The following HOXC4 variants were observed in gnomAD, a reference collection of about 807,000 sequenced individuals.
HOXC4 encodes homeobox C4.
A neutral mutation model predicts 25.5 loss-of-function variants in HOXC4; 15 were observed. That is an observed-to-expected ratio of 0.59 (90% CI 0.39 to 0.91). The LOEUF is 0.91. Ranked by LOEUF, HOXC4 falls within the 40% of genes least tolerant of loss-of-function variation. HOXC4 has a pLI of 0.00. For missense variants in HOXC4, 342 were observed against 352.4 expected (o/e 0.97, Z 0.24); for synonymous variants, 165 against 148.0 (o/e 1.11, Z -0.83).
At chr12:54,050,103 G>A (rs917712561), upstream of HOXC4, among the ~76,000 whole-genome samples, 2 of 152,230 alleles carry the variant, frequency 1.3e-5, no homozygotes, top group African/African-American at 2.4e-5. Context: ...AATCAGAGAG[G>A]GGTACGATTT....
rs528669234 is a variant in HOXC4 at position 54,041,936 on chromosome 12, T to A, written c.-123-11224T>A. On this transcript the variant is annotated intron_variant, in intron 1 of 3. Coordinates refer to the HOXC4 transcript ENST00000303406. Reference sequence around the variant, plus strand: ...CCTCATCCTCCCAAAGTGCTGAGATTACAGGTGTGAACCACCGCGCCCAGC... The same window carrying A: ...CCTCATCCTCCCAAAGTGCTGAGATAACAGGTGTGAACCACCGCGCCCAGC... Among the ~76,000 whole-genome samples, 189 of 151,810 alleles carry A rather than the reference T, an allele frequency of 1.2e-3. 1 individual carries two copies. Among genetic ancestry groups the A allele is most frequent in the Non-Finnish European group, 2.1e-3 (146 of 67,966 alleles).
rs534786361 is a variant in HOXC4 at position 54,024,056 on chromosome 12, C to A, written c.-124+6642C>A. On this transcript the variant is annotated intron_variant, in intron 1 of 3. Transcript: ENST00000303406. The stretch of plus-strand genomic sequence containing the variant: ...TAAAAAAGTCTAATCATAGACCAAT[C>A]GGGCCAACTGAGCAGTCGCTCCAGA... Among the ~76,000 whole-genome samples, 4 of 152,322 alleles carry A rather than the reference C, an allele frequency of 2.6e-5. No individual in the cohort carries two copies. The East Asian group carries it at 7.7e-4, about 29-fold the overall frequency.
At chr12:54,042,373 A>G (rs1941290083) in intron 1 of HOXC4, among the ~76,000 whole-genome samples, 1 of 152,202 alleles carries the variant, frequency 6.6e-6, no homozygotes, top group African/African-American at 2.4e-5. Context: ...CTCACCCTCA[A>G]TGTGGACTTC....
At chr12:54,028,939 G>A (rs982131346) in intron 1 of HOXC4, 2 of 1,588,246 alleles carry the variant, frequency 1.3e-6, no homozygotes, top group Admixed American at 1.8e-5. Context: ...TTACAGCTCC[G>A]AGATATAAAT....
intron 1 of HOXC4, among the ~76,000 whole-genome samples, chr12:54,038,669 T>A (rs183434801): frequency 1.1e-3 from 171 of 152,312 alleles, no homozygotes; most frequent in African/African-American, 3.9e-3. Flanking sequence ...TGTGGTTTCA[T>A]GCTTCCTCCT....
chr12:54,032,837 A>C (rs1377108236), intron 1 of HOXC4: 70 of 110,750 alleles, frequency 6.3e-4, no homozygotes, highest in Admixed American at 1.2e-3. Flanking sequence ...TCTCTCTCTC[A>C]CTCCCTCTCC....
upstream of HOXC4, among the ~76,000 whole-genome samples, chr12:54,053,668 C>A (rs1937898569): frequency 6.6e-6 from 1 of 152,184 alleles, no homozygotes; most frequent in Non-Finnish European, 1.5e-5. Flanking sequence ...TGGGGGCACT[C>A]CAACCTCTGC....
At chr12:54,047,466 C>T (rs1439734201) in intron 1 of HOXC4, among the ~76,000 whole-genome samples, 1 of 152,198 alleles carries the variant, frequency 6.6e-6, no homozygotes, top group African/African-American at 2.4e-5. Flanking sequence ...CGCCGGCCGC[C>T]GAGGGGCCGC....
chr12:54,032,845 T>A lies in HOXC4; in HGVS notation c.-124+15431T>A, dbSNP rs1305901439. On this transcript the variant is annotated intron_variant, in intron 1 of 3. Transcript: ENST00000303406. ...CCCTCTTTCTCTCTCTCACTCCCTCTCCCCCTTGGTTGGGCTTTGCCAACA... is the reference window on the plus strand; with the variant it reads ...CCCTCTTTCTCTCTCTCACTCCCTCACCCCCTTGGTTGGGCTTTGCCAACA... 20 of 167,312 alleles carry A rather than the reference T, an allele frequency of 1.2e-4. No homozygotes were observed. The East Asian group carries it at 2.6e-3, about 22-fold the overall frequency. 10.4% of individuals were successfully genotyped at this position (167,312 alleles called of 1,614,324 possible). A position where few individuals can be genotyped will look rare whatever the true frequency, so the allele number is the denominator to read the frequency against.
chr12:54,033,436 G>T lies in HOXC4; in HGVS notation c.-124+16022G>T, dbSNP rs1565745423. 6.2e-6 allele frequency: 10 copies of T among 1,601,894 alleles called. No homozygotes were observed. The East Asian group carries it at 2.0e-4, about 32-fold the overall frequency. ...GGGATGTACAGTCAGAAGGCGGCTC[G>T]CCCGGCGCTGGAGGAGCGAGCTAAG... On this transcript the variant is annotated intron_variant, in intron 1 of 3. Transcript: ENST00000303406.
At position 54,046,094 on chromosome 12, in the gene HOXC4, C is replaced by T. The variant is rs760541048; in HGVS notation, c.-123-7066C>T. Reference sequence around the variant, plus strand: ...GTGGGGGAAAAAGGGATCAAGTCCCCAACTGTTTTTATAGGGTGCCCAAAT... The same window carrying T: ...GTGGGGGAAAAAGGGATCAAGTCCCTAACTGTTTTTATAGGGTGCCCAAAT... On this transcript the variant is annotated intron_variant, in intron 1 of 3. Coordinates refer to the HOXC4 transcript ENST00000303406. Among the ~76,000 whole-genome samples, 6 of 152,180 alleles carry T rather than the reference C, an allele frequency of 3.9e-5. No homozygotes were observed. In the South Asian group the frequency reaches 6.2e-4, roughly 16 times the overall value.
chr12:54,047,229 C>G (rs1015249081), intron 1 of HOXC4, among the ~76,000 whole-genome samples: 2 of 152,234 alleles, frequency 1.3e-5, no homozygotes, highest in South Asian at 4.1e-4. Context: ...GCGGAGAGCC[C>G]AGCTTTGAGG....
At chr12:54,031,753 T>G (rs1007345349) in intron 1 of HOXC4, among the ~76,000 whole-genome samples, 5 of 152,150 alleles carry the variant, frequency 3.3e-5, no homozygotes, top group Non-Finnish European at 7.4e-5. Context: ...GGCGGAGATT[T>G]CCTGGGAAGA....
At chr12:54,027,312 G>A (rs1940763924) in intron 1 of HOXC4, among the ~76,000 whole-genome samples, 1 of 152,212 alleles carries the variant, frequency 6.6e-6, no homozygotes, top group Non-Finnish European at 1.5e-5. Flanking sequence ...AAGCCTCATA[G>A]CTCAGGTCCA....
chr12:54,037,207 C>T (rs956240850), intron 1 of HOXC4, among the ~76,000 whole-genome samples: 10 of 152,228 alleles, frequency 6.6e-5, no homozygotes, highest in African/African-American at 1.7e-4. Context: ...TACTTCCCTA[C>T]GCTGAGGGTG....
Position 54,054,056 on chromosome 12 carries a change from T to C in HOXC4, c.134T>C (p.Phe45Ser). The change falls in exon 1 of 2, where the codon TTC (phenylalanine) becomes TCC (serine). Residue 45 changes from phenylalanine (F) to serine (S), a missense_variant. Phe to Ser is a radical substitution (Grantham distance 155). Coordinates refer to ENST00000430889, the MANE Select transcript of HOXC4 (RefSeq NM_153633.3). ...TACGGCCGGACCAGGGAATCGGGAT[T>C]CCAGCATCACCACCAGGAGCTGTAC... ...EYYGRTRESG[F>S]QHHHQELYPP... 6.2e-7 allele frequency: 1 copy of C among 1,614,108 alleles called. No individual in the cohort carries two copies. The highest frequency in any genetic ancestry group is 8.5e-7 in the Non-Finnish European group (1 of 1,179,994).
rs759935704 is a variant in HOXC4, at chr12:54,055,158, G to A, written c.748G>A (p.Ala250Thr). ...PGTSEDHSQS[A>T]TPPEQQRAED... ...TACTTCTGAAGACCACTCCCAGAGCGCCACGCCGCCGGAGCAGCAACGGGC... is the reference window on the plus strand; with the variant it reads ...TACTTCTGAAGACCACTCCCAGAGCACCACGCCGCCGGAGCAGCAACGGGC... The change falls in exon 2 of 2, where the codon GCC becomes ACC. Residue 250 changes from alanine to threonine, a missense_variant. Physicochemically the swap from Ala to Thr is moderately conservative, Grantham distance 58. Coordinates refer to ENST00000430889, the MANE Select transcript of HOXC4 (RefSeq NM_153633.3). The A allele has an allele frequency of 3.7e-6, 6 of 1,611,678 alleles. No individual in the cohort carries two copies. Among genetic ancestry groups the A allele is most frequent in the African/African-American group, 2.7e-5 (2 of 74,712 alleles).
chr12:54,032,098 G>A (rs1941007186), intron 1 of HOXC4, among the ~76,000 whole-genome samples: 1 of 152,182 alleles, frequency 6.6e-6, no homozygotes, highest in African/African-American at 2.4e-5. Context: ...TACCACATAA[G>A]GATCGCACAC....
At chr12:54,029,990 C>G in intron 1 of HOXC4, 2 of 1,488,334 alleles carry the variant, frequency 1.3e-6, no homozygotes, top group East Asian at 4.7e-5. Context: ...ACCCCTCTCT[C>G]CCTTTCTCCC....
Sources: allele counts gnomAD v4.1 joint callset (sites outside exome capture counted in the v4.1 genomes callset), GRCh38; gene constraint gnomAD v4.1.1; transcripts MANE v1.5; gene names NCBI Gene and HGNC (gene_info 2026-07-23, HGNC 2026-07-21).